The following WDR27 variants were observed in gnomAD, a reference collection of about 807,000 sequenced individuals.
WDR27 encodes the protein WD repeat domain 27.
Under a neutral mutation model 114.4 loss-of-function variants are expected in WDR27, and 100 were observed. The observed-to-expected ratio is 0.87, with a 90% CI of 0.74 to 1.03. The LOEUF (loss-of-function observed/expected upper bound fraction) is 1.03, where lower values mean the gene tolerates loss of function less well. WDR27 is among the 50% of genes least tolerant of loss of function. WDR27 has a pLI of 0.00. For synonymous variants in WDR27, 449 were observed against 423.1 expected, an observed-to-expected ratio of 1.06 and a Z score of -0.75; for missense variants, 1,129 against 1,092.9, an observed-to-expected ratio of 1.03 and a Z score of -0.47.
At position 169,665,526 on chromosome 6, in the gene WDR27, G is replaced by C; in HGVS notation, c.743C>G (p.Ala248Gly). The C allele has an allele frequency of 6.2e-7, 1 of 1,613,714 alleles. No homozygotes were observed. Among genetic ancestry groups the C allele is most frequent in the Non-Finnish European group, 8.5e-7 (1 of 1,179,730 alleles). The change falls in exon 7 of 26, where the codon GCA (alanine) becomes GGA (glycine). Residue 248 changes from alanine to glycine, a missense_variant. Transcript: ENST00000448612. ...CCCGGTGACCAGCTGCCTGCTTTCT[G>C]CATCAATGAATAAACTGAGAAGAGG... ...AYPLLSLFID[A>G]ESRQLVTGCA...
the WDR27 span, among the ~76,000 whole-genome samples, chr6:169,427,459 G>A: frequency 1.3e-5 from 2 of 152,134 alleles, no homozygotes; most frequent in African/African-American, 2.4e-5. Context: ...CTTAGAAACT[G>A]AAAGGAATGT....
intron 18 of WDR27, 108 bp from the exon 19 acceptor site, chr6:169,636,612 A>C (rs1817712722): frequency 1.7e-6 from 2 of 1,149,428 alleles, no homozygotes; most frequent in Non-Finnish European, 2.4e-6. Context: ...TATTTGTTCT[A>C]AATGTGTACA....
chr6:169,451,870 CTTT>C, the WDR27 span, among the ~76,000 whole-genome samples: 6 of 152,062 alleles, frequency 3.9e-5, no homozygotes, highest in African/African-American at 1.4e-4. Flanking sequence ...TTTTTTATTG[CTTT>C]TTATTATAAA....
intron 21 of WDR27, among the ~76,000 whole-genome samples, chr6:169,624,469 C>T (rs990193985): frequency 1.3e-5 from 2 of 152,112 alleles, no homozygotes; most frequent in East Asian, 3.9e-4. Flanking sequence ...CGCTCGTGTC[C>T]ACTCGGAACT....
intron 25 of WDR27, among the ~76,000 whole-genome samples, chr6:169,568,335 TATAAC>T (rs1800831067): frequency 6.6e-6 from 1 of 152,102 alleles, no homozygotes; most frequent in Non-Finnish European, 1.5e-5. Context: ...AAACATTTCT[TATAAC>T]ATACTTGCTC....
the WDR27 span, among the ~76,000 whole-genome samples, chr6:169,430,558 G>A: frequency 3.9e-5 from 6 of 152,206 alleles, no homozygotes; most frequent in African/African-American, 2.4e-5. Context: ...GAATGAGGAC[G>A]AGGGAAGTTC....
At chr6:169,582,982 A>G in intron 23 of WDR27, 48 bp from the exon 24 acceptor site, 1 of 1,558,324 alleles carries the variant, frequency 6.4e-7, no homozygotes, top group East Asian at 2.3e-5. Context: ...AGAGTCAGGA[A>G]TCACCTGTAA....
chr6:169,623,376 G>T (rs1348988543), intron 21 of WDR27, among the ~76,000 whole-genome samples: 2 of 152,168 alleles, frequency 1.3e-5, no homozygotes, highest in African/African-American at 4.8e-5. Context: ...TAAAACTCCA[G>T]TCTCCCATAC....
At chr6:169,626,965 C>T (rs1815016349) in intron 21 of WDR27, among the ~76,000 whole-genome samples, 1 of 152,184 alleles carries the variant, frequency 6.6e-6, no homozygotes, top group Admixed American at 6.5e-5. Flanking sequence ...TGTAACAGAT[C>T]AGCAGCTGCC....
chr6:169,462,291 G>A (rs112783151), intron 25 of WDR27, among the ~76,000 whole-genome samples: 1,967 of 152,098 alleles, frequency 0.013, 42 homozygotes, highest in African/African-American at 0.041. Context: ...CTAAAAATTA[G>A]CCAGGTGTAG....
the WDR27 span, among the ~76,000 whole-genome samples, chr6:169,437,575 A>C: frequency 6.6e-6 from 1 of 152,140 alleles, no homozygotes; most frequent in South Asian, 2.1e-4. Flanking sequence ...CCCATATCTC[A>C]GTGGCTAGGC....
At chr6:169,529,312 C>CGGGGGG (rs10718481) in intron 25 of WDR27, among the ~76,000 whole-genome samples, 2 of 115,246 alleles carry the variant, frequency 1.7e-5, no homozygotes, top group East Asian at 3.2e-4. Flanking sequence ...GTGACCTCTG[C>CGGGGGG]GGGGGGGGGG....
At chr6:169,450,266 C>G in the WDR27 span, among the ~76,000 whole-genome samples, 1 of 151,920 alleles carries the variant, frequency 6.6e-6, no homozygotes, top group Non-Finnish European at 1.5e-5. Context: ...GGCTGCAGCC[C>G]CAGGCAGCAG....
chr6:169,450,768 G>A, the WDR27 span, among the ~76,000 whole-genome samples: 2 of 152,072 alleles, frequency 1.3e-5, no homozygotes, highest in African/African-American at 4.8e-5. Context: ...TCAGCGTAGC[G>A]GTCCCGAGAT....
At chr6:169,516,493 G>A (rs1230142705) in intron 25 of WDR27, among the ~76,000 whole-genome samples, 1 of 152,094 alleles carries the variant, frequency 6.6e-6, no homozygotes, top group Non-Finnish European at 1.5e-5. Flanking sequence ...TGCTGCGGTG[G>A]GGAATGGGCG....
At chr6:169,676,000 T>C (rs113753877) in intron 2 of WDR27, among the ~76,000 whole-genome samples, 4 of 152,146 alleles carry the variant, frequency 2.6e-5, no homozygotes, top group Non-Finnish European at 4.4e-5. Flanking sequence ...ATTTTTTCCT[T>C]ATCTCATAAT....
intron 25 of WDR27, among the ~76,000 whole-genome samples, chr6:169,493,606 G>T (rs1184227154): frequency 6.6e-6 from 1 of 151,718 alleles, no homozygotes; most frequent in Non-Finnish European, 1.5e-5. Flanking sequence ...TTTTGTCTTT[G>T]GTTTGTTATG....
At chr6:169,637,419 C>T (rs1161873533) in intron 18 of WDR27, among the ~76,000 whole-genome samples, 1 of 152,212 alleles carries the variant, frequency 6.6e-6, no homozygotes, top group Non-Finnish European at 1.5e-5. Flanking sequence ...TGTATGCATG[C>T]ATGTGGCAAG....
Position 169,689,130 on chromosome 6 carries a change from T to C in WDR27, c.-7-118A>G, listed in dbSNP as rs550998826. On this transcript the variant is annotated intron_variant, in intron 1 of 25. Coordinates refer to ENST00000448612, the MANE Select transcript of WDR27 (RefSeq NM_182552.5). ...ACACACATATACCACATCATACCTA[T>C]TTATTCACCTCTCCTCATCCCAAGA... The C allele has an allele frequency of 1.5e-4, 89 of 586,592 alleles. No homozygotes were observed. The African/African-American group carries it at 1.6e-3, about 11-fold the overall frequency. 36.3% of individuals were successfully genotyped at this position (586,592 alleles called of 1,614,324 possible). A position where few individuals can be genotyped will look rare whatever the true frequency, so the allele number is the denominator to read the frequency against.
Sources: allele counts gnomAD v4.1 joint callset (sites outside exome capture counted in the v4.1 genomes callset), GRCh38; gene constraint gnomAD v4.1.1; transcripts MANE v1.5; gene names NCBI Gene and HGNC (gene_info 2026-07-23, HGNC 2026-07-21).